Variants in ZBTB20 observed in about 807,000 individuals in gnomAD.
The protein encoded by ZBTB20 is zinc finger and BTB domain containing 20.
Under a neutral mutation model 56.9 loss-of-function variants are expected in ZBTB20, and 9 were observed. The observed-to-expected ratio is 0.16, with a 90% confidence interval of 0.10 to 0.28. The LOEUF (loss-of-function observed/expected upper bound fraction) is 0.28, where lower values mean the gene tolerates loss of function less well. Among genes scored for constraint, ZBTB20 ranks in the 10% least tolerant of loss-of-function variants. The probability of loss-of-function intolerance (pLI) is 1.00; values close to 1 mark genes in which losing one functional copy is unlikely to be tolerated. For synonymous variants in ZBTB20, 417 were observed against 420.7 expected, an observed-to-expected ratio of 0.99 and a Z score of 0.11; for missense variants, 655 against 1,003.0, an observed-to-expected ratio of 0.65 and a Z score of 4.69.
intron 6 of ZBTB20, among the ~76,000 whole-genome samples, chr3:114,505,061 G>A (rs1455746856): frequency 6.6e-6 from 1 of 152,110 alleles, no homozygotes; most frequent in African/African-American, 2.4e-5. Flanking sequence ...GGCTTGATTT[G>A]CATTCTAAAT....
At chr3:114,822,773 G>C (rs1443796000) in intron 4 of ZBTB20, among the ~76,000 whole-genome samples, 1 of 152,030 alleles carries the variant, frequency 6.6e-6, no homozygotes, top group Admixed American at 6.6e-5. Flanking sequence ...TTTACTAAAT[G>C]TTTGTAGAAT....
chr3:114,503,395 G>C (rs1242950566), intron 6 of ZBTB20, among the ~76,000 whole-genome samples: 1 of 152,108 alleles, frequency 6.6e-6, no homozygotes, highest in Non-Finnish European at 1.5e-5. Flanking sequence ...ATGTTCATAG[G>C]CATCAAAAGA....
intron 6 of ZBTB20, among the ~76,000 whole-genome samples, chr3:114,591,486 A>G (rs1237071154): frequency 6.6e-6 from 1 of 152,208 alleles, no homozygotes; most frequent in Non-Finnish European, 1.5e-5. Flanking sequence ...TTCAAAAGAA[A>G]CAAAGTTACA....
At chr3:114,750,744 T>A (rs1291257400) in intron 5 of ZBTB20, among the ~76,000 whole-genome samples, 1 of 152,222 alleles carries the variant, frequency 6.6e-6, no homozygotes, top group Non-Finnish European at 1.5e-5. Context: ...CCATTTTCCA[T>A]ATGTAGCTAC....
chr3:114,766,303 A>T (rs1454645269), intron 5 of ZBTB20, among the ~76,000 whole-genome samples: 1 of 152,156 alleles, frequency 6.6e-6, no homozygotes, highest in Non-Finnish European at 1.5e-5. Context: ...AGAAACGGAT[A>T]AAAAAGCCTG....
intron 2 of ZBTB20, among the ~76,000 whole-genome samples, chr3:115,043,305 TC>T (rs2081213457): frequency 6.6e-6 from 1 of 151,874 alleles, no homozygotes; most frequent in African/African-American, 2.4e-5. Flanking sequence ...ACACCTGTAA[TC>T]CCAGCACTCT....
chr3:114,783,702 A>G (rs2070281996), intron 5 of ZBTB20, among the ~76,000 whole-genome samples: 1 of 151,752 alleles, frequency 6.6e-6, no homozygotes, highest in Admixed American at 6.6e-5. Flanking sequence ...CTGAGGCAGA[A>G]GAATTGCTTG....
chr3:114,787,884 A>T (rs1210616426), intron 5 of ZBTB20, among the ~76,000 whole-genome samples: 1 of 152,178 alleles, frequency 6.6e-6, no homozygotes, highest in Non-Finnish European at 1.5e-5. Context: ...CCCTGCCATT[A>T]GTTGACCAAA....
chr3:114,923,793 A>G (rs1034545798), intron 3 of ZBTB20, among the ~76,000 whole-genome samples: 1 of 152,188 alleles, frequency 6.6e-6, no homozygotes, highest in Non-Finnish European at 1.5e-5. Context: ...TGAATGGGAG[A>G]AAACATTTGC....
At chr3:114,515,585 C>A (rs1343351047) in intron 6 of ZBTB20, among the ~76,000 whole-genome samples, 1 of 152,178 alleles carries the variant, frequency 6.6e-6, no homozygotes, top group Non-Finnish European at 1.5e-5. Flanking sequence ...CTCTATTTAA[C>A]TGGTTATAAC....
At chr3:115,123,940 C>T (rs1035318851) in intron 1 of ZBTB20, among the ~76,000 whole-genome samples, 1 of 152,126 alleles carries the variant, frequency 6.6e-6, no homozygotes, top group African/African-American at 2.4e-5. Context: ...CCCGAATAAA[C>T]CCCACATAAA....
chr3:114,897,126 C>A (rs2074915449), intron 4 of ZBTB20, among the ~76,000 whole-genome samples: 1 of 152,114 alleles, frequency 6.6e-6, no homozygotes, highest in South Asian at 2.1e-4. Flanking sequence ...AACTCTCAGA[C>A]AACAGATACT....
chr3:114,771,417 T>C (rs984120772), intron 5 of ZBTB20, among the ~76,000 whole-genome samples: 2 of 151,890 alleles, frequency 1.3e-5, no homozygotes, highest in Admixed American at 6.6e-5. Flanking sequence ...GTAATTAAAG[T>C]AAAAAAAATA....
chr3:114,431,668 A>G (rs1206316162), intron 7 of ZBTB20, among the ~76,000 whole-genome samples: 1 of 152,210 alleles, frequency 6.6e-6, no homozygotes, highest in Non-Finnish European at 1.5e-5. Context: ...CACCAACAAT[A>G]AAAAGGACAC....
intron 3 of ZBTB20, among the ~76,000 whole-genome samples, chr3:114,946,207 T>C (rs1021105641): frequency 6.9e-6 from 1 of 145,452 alleles, no homozygotes; most frequent in Admixed American, 6.6e-5. Flanking sequence ...AGCAACAAAG[T>C]ACACATATTT....
intron 6 of ZBTB20, among the ~76,000 whole-genome samples, chr3:114,683,449 C>A (rs2062107273): frequency 6.6e-6 from 1 of 151,966 alleles, no homozygotes; most frequent in Non-Finnish European, 1.5e-5. Flanking sequence ...ACAAACAAAC[C>A]AACCTGAGTA....
At chr3:114,685,357 TG>T (rs1212556863) in intron 6 of ZBTB20, among the ~76,000 whole-genome samples, 1 of 152,186 alleles carries the variant, frequency 6.6e-6, no homozygotes, top group African/African-American at 2.4e-5. Context: ...AAAGCTTTCA[TG>T]AGCTGACAAG....
chr3:114,593,519 G>A (rs2056008199), intron 6 of ZBTB20, among the ~76,000 whole-genome samples: 2 of 151,888 alleles, frequency 1.3e-5, no homozygotes, highest in South Asian at 4.2e-4. Context: ...TGAGTAGCTG[G>A]GATTACAGGC....
At chr3:114,710,498 T>G (rs1418534955) in intron 5 of ZBTB20, among the ~76,000 whole-genome samples, 1 of 152,170 alleles carries the variant, frequency 6.6e-6, no homozygotes, top group African/African-American at 2.4e-5. Context: ...TGCTCATTTC[T>G]CCATATCCCC....
Sources: allele counts gnomAD v4.1 joint callset (sites outside exome capture counted in the v4.1 genomes callset), GRCh38; gene constraint gnomAD v4.1.1; transcripts MANE v1.5; gene names NCBI Gene and HGNC (gene_info 2026-07-23, HGNC 2026-07-21).